Variants in DRD2 observed in about 807,000 individuals in gnomAD.
The protein encoded by DRD2 is dopamine receptor D2, also known as D(2) dopamine receptor.
In DRD2, 8 loss-of-function variants were observed where a neutral mutation model predicts 38.0. The ratio of observed to expected loss-of-function variants is 0.21; its 90% confidence interval spans 0.12 to 0.38. The LOEUF (loss-of-function observed/expected upper bound fraction) is 0.38. Ranked by LOEUF, DRD2 falls within the 10% of genes least tolerant of loss-of-function variation. The probability of loss-of-function intolerance (pLI) is 1.00; values close to 1 mark genes in which losing one functional copy is unlikely to be tolerated. For missense variants in DRD2, 403 were observed against 607.7 expected (o/e 0.66, Z 3.54); for synonymous variants, 230 against 238.6 (o/e 0.96, Z 0.33).
In DRD2 at chr11:113,417,009, C is replaced by T. The variant is rs372694221; in HGVS notation, c.396-10G>A. 42 of 1,613,218 alleles carry T rather than the reference C, an allele frequency of 2.6e-5. No homozygotes were observed. Among genetic ancestry groups the T allele is most frequent in the African/African-American group, 2.5e-4 (19 of 75,032 alleles). On this transcript the variant is annotated splice_polypyrimidine_tract_variant and intron_variant, in intron 3 of 7. Transcript: ENST00000362072. ...GGCCACAGCTGTGTACCTGCAAGGG[C>T]GGGGGACCCTGAATCTGGGGTGCAG... is the stretch of plus-strand genomic sequence containing the variant.
At position 113,470,103 on chromosome 11, in the gene DRD2, A is replaced by G. The variant is rs999209971; in HGVS notation, c.-32+4973T>C. 5.3e-5 allele frequency among the ~76,000 whole-genome samples: 8 copies of G among 152,274 alleles called. No homozygotes were observed. In the South Asian group the frequency reaches 8.3e-4, roughly 16 times the overall value. ...TACTAAGCCACTTTCCCATATCAAG[A>G]GTTCCTGGGAGTTGCTAGTGATGGT... is the stretch of plus-strand genomic sequence containing the variant. On this transcript the variant is annotated intron_variant, in intron 1 of 7. Transcript: ENST00000362072.
intron 1 of DRD2, among the ~76,000 whole-genome samples, chr11:113,442,331 T>C (rs1951102822): frequency 6.6e-6 from 1 of 152,228 alleles, no homozygotes; most frequent in African/African-American, 2.4e-5. Context: ...GTATCTAAGT[T>C]TGTGCCCCGT....
chr11:113,473,700 G>T (rs868310844), intron 1 of DRD2, among the ~76,000 whole-genome samples: 36 of 152,272 alleles, frequency 2.4e-4, no homozygotes, highest in African/African-American at 8.4e-4. Flanking sequence ...GAAGTCCAAG[G>T]CAGGGACTGA....
At chr11:113,470,419 G>A (rs573992428) in intron 1 of DRD2, among the ~76,000 whole-genome samples, 10 of 152,286 alleles carry the variant, frequency 6.6e-5, no homozygotes, top group African/African-American at 2.4e-4. Context: ...CAGGCTAACT[G>A]CAGGCCTATT....
At chr11:113,453,353 C>T (rs1951234572) in intron 1 of DRD2, among the ~76,000 whole-genome samples, 1 of 152,138 alleles carries the variant, frequency 6.6e-6, no homozygotes, top group South Asian at 2.1e-4. Flanking sequence ...TGTAAATTTT[C>T]AATGAGATAA....
chr11:113,435,066 G>A (rs1387252442), intron 1 of DRD2, among the ~76,000 whole-genome samples: 1 of 152,162 alleles, frequency 6.6e-6, no homozygotes, highest in Non-Finnish European at 1.5e-5. Context: ...GGTGGCCCTG[G>A]GCCTGCTCAG....
chr11:113,443,555 A>G (rs1328101167), intron 1 of DRD2, among the ~76,000 whole-genome samples: 4 of 152,222 alleles, frequency 2.6e-5, no homozygotes, highest in Non-Finnish European at 5.9e-5. Flanking sequence ...AAGGACGCTG[A>G]CGGATGTGCA....
rs1950764321 is a variant in DRD2, at chr11:113,410,978, C to A, written c.1139-58G>T. 7 of 1,557,360 alleles carry A rather than the reference C, an allele frequency of 4.5e-6. No homozygotes were observed. The Admixed American group carries it at 1.2e-4, about 27-fold the overall frequency. ...AGAGCCGGGGAGGCACGGCTGGGAA[C>A]ACCCACACCCAGTGCGCCCTGGCTC... is the stretch of plus-strand genomic sequence containing the variant. On this transcript the variant is annotated intron_variant, in intron 7 of 7. Coordinates refer to ENST00000362072, the MANE Select transcript of DRD2 (RefSeq NM_000795.4).
chr11:113,440,965 A>G (rs1391855766), intron 1 of DRD2, among the ~76,000 whole-genome samples: 2 of 152,210 alleles, frequency 1.3e-5, no homozygotes, highest in Admixed American at 6.5e-5. Flanking sequence ...AATTTGATAA[A>G]TCAGCCTTTT....
intron 1 of DRD2, among the ~76,000 whole-genome samples, chr11:113,452,469 T>TGCGCGCGC (rs150781651): frequency 3.4e-5 from 4 of 118,832 alleles, no homozygotes; most frequent in African/African-American, 1.1e-4. Context: ...TGTGTGTGTG[T>TGCGCGCGC]GCGCGCGCGC....
intron 1 of DRD2, among the ~76,000 whole-genome samples, chr11:113,470,274 G>A (rs569147920): frequency 6.4e-4 from 98 of 152,342 alleles, no homozygotes; most frequent in African/African-American, 2.3e-3. Flanking sequence ...GGGCAGGCAC[G>A]TTCTGAAGGA....
chr11:113,471,909 A>T (rs1951430642), intron 1 of DRD2, among the ~76,000 whole-genome samples: 1 of 152,068 alleles, frequency 6.6e-6, no homozygotes, highest in African/African-American at 2.4e-5. Context: ...CAAGACCTCA[A>T]CTCTTAGGTA....
intron 2 of DRD2, among the ~76,000 whole-genome samples, chr11:113,422,469 G>C: frequency 6.6e-6 from 1 of 152,150 alleles, no homozygotes; most frequent in East Asian, 1.9e-4. Context: ...TGAGACCTAG[G>C]ACCCTCCTTT....
intron 1 of DRD2, among the ~76,000 whole-genome samples, chr11:113,435,039 T>C (rs1195466445): frequency 6.6e-6 from 1 of 152,160 alleles, no homozygotes; most frequent in Admixed American, 6.5e-5. Context: ...GCTCTCTGCT[T>C]CTTCCCAAGG....
intron 1 of DRD2, among the ~76,000 whole-genome samples, chr11:113,442,191 A>G (rs1234979410): frequency 6.6e-6 from 1 of 152,186 alleles, no homozygotes; most frequent in African/African-American, 2.4e-5. Flanking sequence ...GCCAAGGCAG[A>G]GATCCCTCCC....
chr11:113,451,090 C>G (rs765399559), intron 1 of DRD2, among the ~76,000 whole-genome samples: 1 of 152,186 alleles, frequency 6.6e-6, no homozygotes, highest in Non-Finnish European at 1.5e-5. Context: ...AGTTACCTCT[C>G]TGGTTCCAGA....
chr11:113,461,990 C>T (rs1951324573), intron 1 of DRD2, among the ~76,000 whole-genome samples: 1 of 152,256 alleles, frequency 6.6e-6, no homozygotes, highest in South Asian at 2.1e-4. Context: ...CCTTCCTTCC[C>T]CTCTCTTCCT....
At chr11:113,459,431 A>G (rs1038232721) in intron 1 of DRD2, among the ~76,000 whole-genome samples, 1 of 152,218 alleles carries the variant, frequency 6.6e-6, no homozygotes, top group Non-Finnish European at 1.5e-5. Flanking sequence ...ATTTTAGAAT[A>G]AAAAATCAGA....
rs1352362285 is a variant in DRD2 at position 113,475,161 on chromosome 11, C to G, written c.-117G>C. 6.6e-6 allele frequency: 1 copy of G among 151,120 alleles called. No homozygotes were observed. Among genetic ancestry groups the G allele is most frequent in the Admixed American group, 6.6e-5 (1 of 15,202 alleles). 9.4% of individuals were successfully genotyped at this position (151,120 alleles called of 1,614,324 possible). On this transcript the variant is annotated 5_prime_UTR_variant, in exon 1 of 8. Transcript: ENST00000362072. ...CCGCCGCATCCACGCGCGGCCGCCC[C>G]TCCGGCAGCCGTCCGGGGCCGCCAC...
Sources: gnomAD v4.1 joint callset for allele counts (sites outside exome capture counted in the v4.1 genomes callset) on GRCh38, gnomAD v4.1.1 for gene constraint, MANE v1.5 for transcripts, NCBI Gene and HGNC (gene_info 2026-07-23, HGNC 2026-07-21) for gene names.